ZNF471: variants seen among roughly 807,000 people sequenced by gnomAD.
The protein encoded by ZNF471 is EZFIT-related protein 1.
ZNF471 carries 7 observed loss-of-function variants against 13.7 expected under a neutral mutation model. That is an observed-to-expected ratio of 0.51 (90% CI 0.29 to 0.96). ZNF471 has a LOEUF of 0.96. Among genes scored for constraint, ZNF471 ranks in the 40% least tolerant of loss-of-function variants. ZNF471 has a pLI of 0.08. For missense variants in ZNF471, 663 were observed against 743.3 expected (o/e 0.89, Z 1.26); for synonymous variants, 218 against 235.6 (o/e 0.93, Z 0.68).
intron 4 of ZNF471, 30 bp downstream of exon 4, chr19:56,518,607 CT>C (rs759863221): frequency 1.9e-6 from 3 of 1,582,622 alleles, no homozygotes; most frequent in Non-Finnish European, 2.6e-6. Context: ...AGAGGGGAAT[CT>C]TTTTGACATA....
chr19:56,513,682 G>T (rs2043839919), intron 2 of ZNF471, among the ~76,000 whole-genome samples: 1 of 151,784 alleles, frequency 6.6e-6, no homozygotes, highest in South Asian at 2.1e-4. Context: ...ATCCTTGTTG[G>T]ATAATTCCAT....
chr19:56,526,277 TC>T lies in ZNF471; in HGVS notation c.*333del. ...AAGTGCAAGGAGTCGGGGATCTCCC[TC>T]CCCTAGCCAAGGGAAGCCATGAGGG... is the stretch of plus-strand genomic sequence containing the variant. On this transcript the variant is annotated 3_prime_UTR_variant, in exon 5 of 5. Transcript: ENST00000308031. 4.5e-6 allele frequency: 1 copy of T among 222,992 alleles called. No individual in the cohort carries two copies. The highest frequency in any genetic ancestry group is 8.9e-6 in the Non-Finnish European group (1 of 112,452). 13.8% of individuals were successfully genotyped at this position (222,992 alleles called of 1,614,324 possible). A position where few individuals can be genotyped will look rare whatever the true frequency, so the allele number is the denominator to read the frequency against.
chr19:56,525,110 G>C lies in ZNF471; in HGVS notation c.1043G>C (p.Cys348Ser), dbSNP rs201718266. 8 of 1,614,128 alleles carry C rather than the reference G, an allele frequency of 5.0e-6. No homozygotes were observed. The African/African-American group carries it at 1.1e-4, about 22-fold the overall frequency. The change falls in exon 5 of 5, where the codon TGT (cysteine) becomes TCT (serine). Residue 348 changes from cysteine to serine, a missense_variant. Transcript: ENST00000308031. ...CACACTGGCAAAAGACCCTATGAAT[G>C]TATTGAGTGTGGGAAGGCTTTTAGG... ...RCHTGKRPYE[C>S]IECGKAFRYN...
chr19:56,525,734 C>A lies in ZNF471; in HGVS notation c.1667C>A (p.Ser556Tyr), dbSNP rs16987303. 1 of 1,613,838 alleles carries A rather than the reference C, an allele frequency of 6.2e-7. No homozygotes were observed. Among genetic ancestry groups the A allele is most frequent in the South Asian group, 1.1e-5 (1 of 91,016 alleles). Residue 556 changes from serine to tyrosine, a missense_variant, in exon 5 of 5, where the codon TCC becomes TAC. Ser to Tyr is a moderately radical substitution (Grantham distance 144, BLOSUM62 -2). Transcript: ENST00000308031. ...NECGKAFSQT[S>Y]NLTQHQRIHT... Reference sequence around the variant, plus strand: ...TGCGGGAAAGCCTTCAGCCAAACTTCCAATCTTACTCAACATCAAAGAATT... The same window carrying A: ...TGCGGGAAAGCCTTCAGCCAAACTTACAATCTTACTCAACATCAAAGAATT...
In ZNF471 at chr19:56,510,475, G is replaced by A; in HGVS notation, c.-55-1042G>A. On this transcript the variant is annotated intron_variant, in intron 1 of 4. Transcript: ENST00000308031. This position sits in a 1 kb window ranked among gnomAD's most constrained non-coding sequence, Gnocchi z 4.3. ...ATGTGTGAGTGAGACAGAGATAAGG[G>A]ACAGTGAGCTGTGTGTGTGAGAGAA... The A allele has an allele frequency of 1.0e-6, 1 of 985,648 alleles. No individual in the cohort carries two copies. Among genetic ancestry groups the A allele is most frequent in the South Asian group, 4.7e-5 (1 of 21,294 alleles). The allele number at this position is 985,648 out of a possible 1,614,324, so 61.1% of individuals were successfully genotyped here. A position where few individuals can be genotyped will look rare whatever the true frequency, so the allele number is the denominator to read the frequency against.
Position 56,527,346 on chromosome 19 carries a change from G to C in ZNF471, c.*1398G>C, listed in dbSNP as rs1347141860. On this transcript the variant is annotated 3_prime_UTR_variant, in exon 5 of 5. Transcript: ENST00000308031. ...TTACCAGCATCAAAGACCAAAGGTA[G>C]ATAAATTCACGAAGATGAGGAGAAA... 1 of 152,222 alleles carries C rather than the reference G, an allele frequency of 6.6e-6. No individual in the cohort carries two copies. The highest frequency in any genetic ancestry group is 2.1e-4 in the South Asian group (1 of 4,832). 9.4% of individuals were successfully genotyped at this position (152,222 alleles called of 1,614,324 possible).
rs2043884121 is a variant in ZNF471 at position 56,516,093 on chromosome 19, G to T, written c.34-182G>T. 6.6e-6 allele frequency among the ~76,000 whole-genome samples: 1 copy of T among 152,132 alleles called. No individual in the cohort carries two copies. On this transcript the variant is annotated intron_variant, in intron 2 of 4. Coordinates refer to ENST00000308031, the MANE Select transcript of ZNF471 (RefSeq NM_020813.4). The surrounding 1 kb of genome is among the most constrained non-coding windows in gnomAD (Gnocchi z 4.4). Reference sequence around the variant, plus strand: ...TATTTCCCTATGTTCGGAATCGATTGGCCCCATTGTACCCAATGCAGTTAA... The same window carrying T: ...TATTTCCCTATGTTCGGAATCGATTTGCCCCATTGTACCCAATGCAGTTAA...
intron 3 of ZNF471, among the ~76,000 whole-genome samples, chr19:56,517,144 C>CTTTTT (rs145588906): frequency 7.9e-6 from 1 of 126,114 alleles, no homozygotes; most frequent in Admixed American, 8.0e-5. Flanking sequence ...CTCTCGCTCT[C>CTTTTT]TTTTTTTTTT....
chr19:56,523,882 A>C (rs1236165866), intron 4 of ZNF471, among the ~76,000 whole-genome samples: 1 of 152,102 alleles, frequency 6.6e-6, no homozygotes, highest in Non-Finnish European at 1.5e-5. Flanking sequence ...GGAGTGCAGT[A>C]GGGCAATCAT....
Position 56,510,209 on chromosome 19 carries a change from A to T in ZNF471, c.-55-1308A>T, listed in dbSNP as rs1568470865. On this transcript the variant is annotated intron_variant, in intron 1 of 4. Coordinates refer to ENST00000308031, the MANE Select transcript of ZNF471 (RefSeq NM_020813.4). This position sits in a 1 kb window ranked among gnomAD's most constrained non-coding sequence, Gnocchi z 4.3. Reference sequence around the variant, plus strand: ...AAGCAGTTGGAATATGAGAGATCAGAGTGTGTTTGTGTATCTGTGTGAGAC... The same window carrying T: ...AAGCAGTTGGAATATGAGAGATCAGTGTGTGTTTGTGTATCTGTGTGAGAC... The T allele has an allele frequency of 1.0e-6, 1 of 985,332 alleles. No homozygotes were observed. The highest frequency in any genetic ancestry group is 1.2e-6 in the Non-Finnish European group (1 of 829,990). 61.0% of individuals were successfully genotyped at this position (985,332 alleles called of 1,614,324 possible).
At chr19:56,511,632 G>C (rs758517537) in intron 2 of ZNF471, 28 bp downstream of exon 2, 1 of 1,576,168 alleles carries the variant, frequency 6.3e-7, no homozygotes, top group Non-Finnish European at 8.7e-7. Context: ...TTCTCTTCAT[G>C]AAAGGCAGTC....
intron 4 of ZNF471, among the ~76,000 whole-genome samples, chr19:56,519,562 C>G (rs2043940690): frequency 6.6e-6 from 1 of 152,198 alleles, no homozygotes. Flanking sequence ...TATTCTGCCT[C>G]TCCCACTGAA....
rs2044043570 is a variant in ZNF471, at chr19:56,526,114, A to C, written c.*166A>C. 6.4e-6 allele frequency: 4 copies of C among 628,480 alleles called. No homozygotes were observed. Among genetic ancestry groups the C allele is most frequent in the South Asian group, 2.7e-5 (1 of 37,328 alleles). 38.9% of individuals were successfully genotyped at this position (628,480 alleles called of 1,614,324 possible). ...GGAACAGCTCTGATCTGCAGTTCCC[A>C]GTGAGATCAACGCAGAAGGTGGGTG... On this transcript the variant is annotated 3_prime_UTR_variant, in exon 5 of 5. Coordinates refer to ENST00000308031, the MANE Select transcript of ZNF471 (RefSeq NM_020813.4).
At chr19:56,521,563 C>T (rs1409327273) in intron 4 of ZNF471, among the ~76,000 whole-genome samples, 5 of 139,766 alleles carry the variant, frequency 3.6e-5, no homozygotes, top group African/African-American at 1.1e-4. Context: ...GGCATGAACC[C>T]GGGAGGCAGA....
At position 56,525,076 on chromosome 19, in the gene ZNF471, C is replaced by T. The variant is rs775038070; in HGVS notation, c.1009C>T (p.Gln337Ter). The T allele has an allele frequency of 1.9e-6, 3 of 1,613,800 alleles. No homozygotes were observed. The highest frequency in any genetic ancestry group is 3.3e-5 in the Admixed American group (2 of 60,008). ...FSDGSSFARH[Q>*]RCHTGKRPYE... ...TGATGGCTCGTCTTTTGCTCGACAT[C>T]AGAGATGTCACACTGGCAAAAGACC... Residue 337 changes from glutamine to a stop codon, truncating the protein, a stop_gained, in exon 5 of 5, where the codon CAG becomes TAG. Coordinates refer to ENST00000308031, the MANE Select transcript of ZNF471 (RefSeq NM_020813.4). LOFTEE classifies it low-confidence loss of function (END_TRUNC).
At position 56,511,488 on chromosome 19, in the gene ZNF471, ATCTC is replaced by A. The variant is rs1037883433; in HGVS notation, c.-55-23_-55-20del. On this transcript the variant is annotated intron_variant, in intron 1 of 4. Transcript: ENST00000308031. Reference sequence around the variant, plus strand: ...CTGGGAGTGCAGCATCTCTGGCCTCATCTCTCTCTAACCTTTCCCTTCCTTCAGC... The same window carrying A: ...CTGGGAGTGCAGCATCTCTGGCCTCATCTCTAACCTTTCCCTTCCTTCAGC... The A allele has an allele frequency of 9.0e-6, 14 of 1,555,982 alleles. No homozygotes were observed. The African/African-American group carries it at 1.1e-4, about 12-fold the overall frequency.
chr19:56,525,674 C>T lies in ZNF471; in HGVS notation c.1607C>T (p.Thr536Ile). ...TCACACCTTGCCCAACATCAGAAAA[C>T]TCATACAGGAGAGAAACCTTATGAG... Reference protein sequence around the residue: ...QRSHLAQHQKTHTGEKPYECN... With the variant: ...QRSHLAQHQKIHTGEKPYECN... Residue 536 changes from threonine (T) to isoleucine (I), a missense_variant, in exon 5 of 5, where the codon ACT becomes ATT. Transcript: ENST00000308031. 6.2e-7 allele frequency: 1 copy of T among 1,613,720 alleles called. No homozygotes were observed. The highest frequency in any genetic ancestry group is 8.5e-7 in the Non-Finnish European group (1 of 1,179,922).
intron 3 of ZNF471, among the ~76,000 whole-genome samples, chr19:56,518,127 A>T (rs2043919074): frequency 6.6e-6 from 1 of 152,150 alleles, no homozygotes; most frequent in Non-Finnish European, 1.5e-5. Context: ...GAGCCTCTGG[A>T]TTCTGTCATA....
rs1303259816 is a variant in ZNF471, at chr19:56,527,387, T to G, written c.*1439T>G. 1 of 152,168 alleles carries G rather than the reference T, an allele frequency of 6.6e-6. No homozygotes were observed. Among genetic ancestry groups the G allele is most frequent in the Non-Finnish European group, 1.5e-5 (1 of 68,026 alleles). 9.4% of individuals were successfully genotyped at this position (152,168 alleles called of 1,614,324 possible). ...TGAGGAGAAACCAGTGCAAAAAGCC[T>G]GAAAATTCCAAAAACCAGAATGCCT... On this transcript the variant is annotated 3_prime_UTR_variant, in exon 5 of 5. Transcript: ENST00000308031.
Sources: allele counts gnomAD v4.1 joint callset (sites outside exome capture counted in the v4.1 genomes callset), GRCh38; gene constraint gnomAD v4.1.1; non-coding constraint Gnocchi (gnomAD v3.1); transcripts MANE v1.5; gene names NCBI Gene and HGNC (gene_info 2026-07-23, HGNC 2026-07-21).